Variants in SC5D observed in about 807,000 individuals in gnomAD.
SC5D encodes lathosterol oxidase.
SC5D carries 21 observed loss-of-function variants against 23.9 expected under a neutral mutation model. The ratio of observed to expected loss-of-function variants is 0.88; its 90% confidence interval spans 0.62 to 1.26. The LOEUF is 1.26. Ranked by LOEUF, SC5D falls within the 50% of genes most tolerant of loss-of-function variation. SC5D has a pLI of 0.00. For missense variants in SC5D, 309 were observed against 364.8 expected (o/e 0.85, Z 1.25); for synonymous variants, 113 against 125.9 (o/e 0.90, Z 0.68).
intron 1 of SC5D, among the ~76,000 whole-genome samples, chr11:121,294,620 C>T (rs145533299): frequency 6.6e-6 from 1 of 152,098 alleles, no homozygotes; most frequent in Non-Finnish European, 1.5e-5. Context: ...CAAGTGGCAC[C>T]TATTTTATCT....
rs766772523 is a variant in SC5D at position 121,307,427 on chromosome 11, T to C, written c.815T>C (p.Met272Thr). 34 of 1,611,316 alleles carry C rather than the reference T, an allele frequency of 2.1e-5. No homozygotes were observed. The East Asian group carries it at 4.7e-4, about 22-fold the overall frequency. ...GKGPLSYVKEMTEGKRSSHSG... is the reference protein window; with the variant it reads ...GKGPLSYVKETTEGKRSSHSG... ...GGACCGCTCAGTTATGTGAAGGAGA[T>C]GACAGAGGGAAAGCGCAGCAGCCAT... The change falls in exon 5 of 5, where the codon ATG (methionine) becomes ACG (threonine). Residue 272 changes from methionine (M) to threonine (T), a missense_variant. Coordinates refer to ENST00000264027, the MANE Select transcript of SC5D (RefSeq NM_006918.5).
In SC5D at chr11:121,307,777, A is replaced by T. The variant is rs1225087487; in HGVS notation, c.*265A>T. On this transcript the variant is annotated 3_prime_UTR_variant, in exon 5 of 5. Coordinates refer to ENST00000264027, the MANE Select transcript of SC5D (RefSeq NM_006918.5). Reference sequence around the variant, plus strand: ...TGTATCTTTCTAGCAGCAGATCTGTAGTTTGTATAGCCTCAACAACAATTT... The same window carrying T: ...TGTATCTTTCTAGCAGCAGATCTGTTGTTTGTATAGCCTCAACAACAATTT... 2.7e-6 allele frequency: 1 copy of T among 373,744 alleles called. No homozygotes were observed. The highest frequency in any genetic ancestry group is 5.4e-5 in the East Asian group (1 of 18,680). The allele number at this position is 373,744 out of a possible 1,614,324, so 23.2% of individuals were successfully genotyped here. A position where few individuals can be genotyped will look rare whatever the true frequency, so the allele number is the denominator to read the frequency against.
At chr11:121,294,848 A>G (rs776465999) in intron 1 of SC5D, among the ~76,000 whole-genome samples, 2 of 152,202 alleles carry the variant, frequency 1.3e-5, no homozygotes, top group Non-Finnish European at 2.9e-5. Context: ...GAACATGTAG[A>G]TTGGCTCATC....
At chr11:121,293,694 A>G (rs1315546349) in intron 1 of SC5D, among the ~76,000 whole-genome samples, 1 of 152,144 alleles carries the variant, frequency 6.6e-6, no homozygotes, top group Non-Finnish European at 1.5e-5. Context: ...TCTTTATATC[A>G]CTATCATTTT....
At chr11:121,294,774 T>A (rs938899132) in intron 1 of SC5D, among the ~76,000 whole-genome samples, 1 of 152,206 alleles carries the variant, frequency 6.6e-6, no homozygotes, top group Non-Finnish European at 1.5e-5. Context: ...ATGTTTGTGT[T>A]CTTTTTGGTT....
At chr11:121,303,069 C>G (rs1947936783) in intron 1 of SC5D, among the ~76,000 whole-genome samples, 1 of 152,202 alleles carries the variant, frequency 6.6e-6, no homozygotes, top group South Asian at 2.1e-4. Flanking sequence ...GGGAATGACA[C>G]TGAAATGGAA....
chr11:121,301,303 GTTTT>G (rs34614904), intron 1 of SC5D, among the ~76,000 whole-genome samples: 3 of 142,496 alleles, frequency 2.1e-5, no homozygotes. Context: ...AGTGATAAAA[GTTTT>G]TTTTTTTTTT....
At chr11:121,299,552 T>C (rs1947912244) in intron 1 of SC5D, among the ~76,000 whole-genome samples, 1 of 152,254 alleles carries the variant, frequency 6.6e-6, no homozygotes, top group South Asian at 2.1e-4. Context: ...ATTTACAGTA[T>C]GTACTTATCC....
chr11:121,306,316 A>T, intron 3 of SC5D, 70 bp from the exon 4 acceptor site: 2 of 772,558 alleles, frequency 2.6e-6, no homozygotes, highest in Non-Finnish European at 4.6e-6. Flanking sequence ...ACTCAGATGG[A>T]CATGTGAAAA....
chr11:121,299,274 C>T (rs1429502113), intron 1 of SC5D, among the ~76,000 whole-genome samples: 1 of 152,202 alleles, frequency 6.6e-6, no homozygotes, highest in Non-Finnish European at 1.5e-5. Context: ...GATCCTGGCC[C>T]ATGACCAATG....
In SC5D at chr11:121,307,700, C is replaced by A; in HGVS notation, c.*188C>A. 1.8e-6 allele frequency: 1 copy of A among 542,908 alleles called. No individual in the cohort carries two copies. 33.6% of individuals were successfully genotyped at this position (542,908 alleles called of 1,614,324 possible). On this transcript the variant is annotated 3_prime_UTR_variant, in exon 5 of 5. Transcript: ENST00000264027. The stretch of plus-strand genomic sequence containing the variant: ...AGGTCAGAAGAAGATGCTGTGAACA[C>A]CAGGACTTTAATCTTATGCTTAAAA...
rs5795265 is a variant in SC5D at position 121,310,455 on chromosome 11, C to CTTT, written c.*2960_*2962dup. Among the ~76,000 whole-genome samples the CTTT allele has an allele frequency of 1.7e-4, 19 of 111,194 alleles. 1 individual carries two copies. Among genetic ancestry groups the CTTT allele is most frequent in the African/African-American group, 5.3e-4 (16 of 30,136 alleles). 72.9% of individuals were successfully genotyped at this position (111,194 alleles called of 152,430 possible). A position where few individuals can be genotyped will look rare whatever the true frequency, so the allele number is the denominator to read the frequency against. ...TGTTCAGCCCTTCTGTCTCCTGTCC[C>CTTT]TTTTTTTTTTTTTTTTTTTGAGATG... On this transcript the variant is annotated 3_prime_UTR_variant, in exon 5 of 5. Coordinates refer to ENST00000264027, the MANE Select transcript of SC5D (RefSeq NM_006918.5).
Position 121,307,076 on chromosome 11 carries a change from A to G in SC5D, c.464A>G (p.His155Arg). The change falls in exon 5 of 5, where the codon CAT (histidine) becomes CGT (arginine). Residue 155 changes from histidine to arginine, a missense_variant. Coordinates refer to ENST00000264027, the MANE Select transcript of SC5D (RefSeq NM_006918.5). ...CTGCAGCGCCTACATAAACCTCACC[A>G]TATTTGGAAGATTCCTACTCCATTT... ...LVYKRLHKPHHIWKIPTPFAS... is the reference protein window; with the variant it reads ...LVYKRLHKPHRIWKIPTPFAS... The G allele has an allele frequency of 6.2e-7, 1 of 1,614,118 alleles. No homozygotes were observed. Among genetic ancestry groups the G allele is most frequent in the Non-Finnish European group, 8.5e-7 (1 of 1,179,982 alleles).
Position 121,303,654 on chromosome 11 carries a change from T to C in SC5D, c.210+69T>C, listed in dbSNP as rs779940996. 5.4e-6 allele frequency: 7 copies of C among 1,304,376 alleles called. No homozygotes were observed. The East Asian group carries it at 1.7e-4, about 32-fold the overall frequency. 80.8% of individuals were successfully genotyped at this position (1,304,376 alleles called of 1,614,324 possible). On this transcript the variant is annotated intron_variant, in intron 2 of 4. Coordinates refer to ENST00000264027, the MANE Select transcript of SC5D (RefSeq NM_006918.5). ...TAACAATATGATATATTTCTGAGAT[T>C]TTTAGATTAAGCTGATTATATGTAA...
chr11:121,295,238 CG>C (rs1947880716), intron 1 of SC5D, among the ~76,000 whole-genome samples: 1 of 152,100 alleles, frequency 6.6e-6, no homozygotes, highest in Non-Finnish European at 1.5e-5. Context: ...CCAAGGTGGT[CG>C]GGGACACAGT....
chr11:121,296,161 ACCTAG>A (rs1465843001), intron 1 of SC5D, among the ~76,000 whole-genome samples: 4 of 152,070 alleles, frequency 2.6e-5, no homozygotes, highest in Non-Finnish European at 5.9e-5. Flanking sequence ...TAGCCACTTC[ACCTAG>A]CCTAGTAGTC....
In SC5D at chr11:121,303,562, A is replaced by G. The variant is rs2095983255; in HGVS notation, c.187A>G (p.Met63Val). The G allele has an allele frequency of 6.2e-7, 1 of 1,612,648 alleles. No individual in the cohort carries two copies. The highest frequency in any genetic ancestry group is 8.5e-7 in the Non-Finnish European group (1 of 1,178,764). The change falls in exon 2 of 5, where the codon ATG becomes GTG. Residue 63 changes from methionine (M) to valine (V), a missense_variant. Transcript: ENST00000264027. ...TTATTTTGTCTTCGATCATGCATTA[A>G]TGAAACATCCACAATTTTTAAAGGT... The part of the protein sequence containing the change: ...SYYFVFDHAL[M>V]KHPQFLKNQV...
In SC5D at chr11:121,306,411, A is replaced by G. The variant is rs778688994; in HGVS notation, c.369A>G (p.Ile123Met). 1 of 1,577,468 alleles carries G rather than the reference A, an allele frequency of 6.3e-7. No homozygotes were observed. Among genetic ancestry groups the G allele is most frequent in the Non-Finnish European group, 8.7e-7 (1 of 1,146,808 alleles). The stretch of plus-strand genomic sequence containing the variant: ...GATTGTTTGAACTTGTCGTTAGTAT[A>G]ATATCTTTCCTCTTTTTCACTGACA... ...PYGLFELVVS[I>M]ISFLFFTDMF... The change falls in exon 4 of 5, where the codon ATA becomes ATG. Residue 123 changes from isoleucine to methionine, a missense_variant. Physicochemically the swap from Ile to Met is conservative, Grantham distance 10. Transcript: ENST00000264027.
chr11:121,301,657 A>AAGG (rs1947926868), intron 1 of SC5D, among the ~76,000 whole-genome samples: 1 of 152,176 alleles, frequency 6.6e-6, no homozygotes, highest in South Asian at 2.1e-4. Context: ...GGGTGCTGAA[A>AAGG]ATGTTCTGAA....
Sources: gnomAD v4.1 joint callset for allele counts (sites outside exome capture counted in the v4.1 genomes callset) on GRCh38, gnomAD v4.1.1 for gene constraint, MANE v1.5 for transcripts, NCBI Gene and HGNC (gene_info 2026-07-23, HGNC 2026-07-21) for gene names.